Variants in TPST1 observed in about 807,000 individuals in gnomAD.
TPST1 encodes the protein tyrosylprotein sulfotransferase 1.
In TPST1, 20 loss-of-function variants were observed where a neutral mutation model predicts 34.8. The ratio of observed to expected loss-of-function variants is 0.57; its 90% confidence interval spans 0.40 to 0.84. The LOEUF (loss-of-function observed/expected upper bound fraction) is 0.84, where lower values mean the gene tolerates loss of function less well. Ranked by LOEUF, TPST1 falls within the 40% of genes least tolerant of loss-of-function variation. TPST1 has a pLI of 0.00. For synonymous variants in TPST1, 152 were observed against 159.4 expected (o/e 0.95, Z 0.35); for missense variants, 353 against 455.5 (o/e 0.78, Z 2.05).
Position 66,222,830 on chromosome 7 carries a change from A to T in TPST1, c.-102+17308A>T, listed in dbSNP as rs80138249. Among the ~76,000 whole-genome samples the T allele has an allele frequency of 1.2e-3, 177 of 152,308 alleles. No homozygotes were observed. The East Asian group carries it at 0.023, about 20-fold the overall frequency. ...CCCTGTTCTTTAAAAGCCCCTTCAC[A>T]TGTTTCCATGTGATTGCCCCAGCAG... On this transcript the variant is annotated intron_variant, in intron 1 of 5. Transcript: ENST00000304842.
chr7:66,339,118 G>A (rs1792182011), intron 3 of TPST1, among the ~76,000 whole-genome samples: 1 of 150,428 alleles, frequency 6.6e-6, no homozygotes, highest in East Asian at 2.0e-4. Flanking sequence ...GGGGTGGTGG[G>A]TGGGGGGAGA....
At position 66,332,416 on chromosome 7, in the gene TPST1, C is replaced by T. The variant is rs1246635379; in HGVS notation, c.1045-20089C>T. Reference sequence around the variant, plus strand: ...CCGAGTAGCTGGGATTACAGGTGCCCGCCACCAAGCCCAGCTAATTTTTTG... The same window carrying T: ...CCGAGTAGCTGGGATTACAGGTGCCTGCCACCAAGCCCAGCTAATTTTTTG... On this transcript the variant is annotated intron_variant, in intron 3 of 5. Coordinates refer to ENST00000304842, the MANE Select transcript of TPST1 (RefSeq NM_003596.4). The surrounding 1 kb of genome is among the most constrained non-coding windows in gnomAD (Gnocchi z 4.5). Among the ~76,000 whole-genome samples, 18 of 152,068 alleles carry T rather than the reference C, an allele frequency of 1.2e-4. No individual in the cohort carries two copies. The highest frequency in any genetic ancestry group is 9.2e-4 in the Admixed American group (14 of 15,254).
intron 1 of TPST1, among the ~76,000 whole-genome samples, chr7:66,210,812 A>G (rs1789226695): frequency 1.3e-5 from 2 of 152,088 alleles, no homozygotes; most frequent in African/African-American, 4.8e-5. Flanking sequence ...AAAATAGGAA[A>G]AAACTAGCCA....
At chr7:66,348,214 A>G (rs545045562) in intron 3 of TPST1, among the ~76,000 whole-genome samples, 2 of 152,298 alleles carry the variant, frequency 1.3e-5, no homozygotes, top group Non-Finnish European at 2.9e-5. Flanking sequence ...CCTTGGTCCA[A>G]GCCATCATTA....
intron 3 of TPST1, among the ~76,000 whole-genome samples, chr7:66,337,299 A>AT (rs749288846): frequency 0.26 from 28,248 of 107,632 alleles, 4,882 homozygotes; most frequent in East Asian, 0.42. Context: ...TAAAAGACAA[A>AT]TTTTTTTTTT....
At chr7:66,324,800 C>CAAAAAAAAA (rs56389964) in intron 3 of TPST1, among the ~76,000 whole-genome samples, 18 of 109,268 alleles carry the variant, frequency 1.6e-4, no homozygotes, top group Middle Eastern at 5.9e-3. Flanking sequence ...GACTCTGTCT[C>CAAAAAAAAA]AAAAAAAAAA....
At chr7:66,296,697 T>TTG (rs1791207974) in intron 3 of TPST1, among the ~76,000 whole-genome samples, 1 of 149,650 alleles carries the variant, frequency 6.7e-6, no homozygotes, top group Non-Finnish European at 1.5e-5. Flanking sequence ...TTTTTTTTTT[T>TTG]GGTACAATTC....
chr7:66,203,823 C>T (rs190579013), upstream of TPST1, among the ~76,000 whole-genome samples: 452 of 152,186 alleles, frequency 3.0e-3, 3 homozygotes, highest in South Asian at 7.3e-3. Context: ...ATAGCAGCAT[C>T]ATGTATAATA....
At chr7:66,327,581 G>T (rs1305684166) in intron 3 of TPST1, among the ~76,000 whole-genome samples, 1 of 152,024 alleles carries the variant, frequency 6.6e-6, no homozygotes, top group Non-Finnish European at 1.5e-5. Context: ...AAATTAGCTA[G>T]GTGTGGTGGC....
At chr7:66,232,654 G>A (rs1459856808) in intron 1 of TPST1, among the ~76,000 whole-genome samples, 2 of 152,132 alleles carry the variant, frequency 1.3e-5, no homozygotes, top group African/African-American at 2.4e-5. Flanking sequence ...ACCGCGCCCG[G>A]CCCATGCCTG....
chr7:66,236,801 G>A (rs1198812551), intron 1 of TPST1, among the ~76,000 whole-genome samples: 2 of 152,116 alleles, frequency 1.3e-5, no homozygotes, highest in East Asian at 1.9e-4. Flanking sequence ...AAAAACAAGT[G>A]TGCACACACT....
intron 3 of TPST1, among the ~76,000 whole-genome samples, chr7:66,346,406 T>C (rs924614357): frequency 2.0e-5 from 3 of 152,196 alleles, no homozygotes; most frequent in Non-Finnish European, 4.4e-5. Flanking sequence ...ACCTCCATAC[T>C]GTTCTCCATG....
At chr7:66,294,885 A>G (rs1791161231) in intron 3 of TPST1, among the ~76,000 whole-genome samples, 1 of 152,096 alleles carries the variant, frequency 6.6e-6, no homozygotes, top group Non-Finnish European at 1.5e-5. Context: ...GCATTTTCCC[A>G]TTGTGTGCAT....
intron 3 of TPST1, among the ~76,000 whole-genome samples, chr7:66,319,370 A>C (rs578117656): frequency 6.6e-6 from 1 of 152,260 alleles, no homozygotes; most frequent in African/African-American, 2.4e-5. Flanking sequence ...ATTTTAATTA[A>C]AAATATATAT....
chr7:66,234,442 C>G (rs1052755689), intron 1 of TPST1, among the ~76,000 whole-genome samples: 14 of 144,538 alleles, frequency 9.7e-5, no homozygotes, highest in Admixed American at 9.5e-4. Context: ...GACACACACA[C>G]ACACACGGAA....
intron 5 of TPST1, among the ~76,000 whole-genome samples, chr7:66,357,224 TAAGG>T (rs1240334072): frequency 6.6e-6 from 1 of 152,124 alleles, no homozygotes; most frequent in Non-Finnish European, 1.5e-5. Flanking sequence ...TGTTTACTGA[TAAGG>T]AAGCTGGTCC....
intron 2 of TPST1, among the ~76,000 whole-genome samples, chr7:66,264,540 G>A (rs1284964734): frequency 6.6e-6 from 1 of 152,204 alleles, no homozygotes; most frequent in African/African-American, 2.4e-5. Context: ...AAGGCAGTCT[G>A]TTCAGTTGTT....
At chr7:66,255,019 C>T (rs1471512632) in intron 2 of TPST1, among the ~76,000 whole-genome samples, 3 of 151,614 alleles carry the variant, frequency 2.0e-5, no homozygotes, top group African/African-American at 4.8e-5. Context: ...TGGTGGCGGG[C>T]GCCTGTAGTC....
At chr7:66,293,205 CAA>C (rs889634763) in intron 3 of TPST1, among the ~76,000 whole-genome samples, 3 of 132,110 alleles carry the variant, frequency 2.3e-5, no homozygotes. Flanking sequence ...GACTCCATCT[CAA>C]AAAAAAAAAA....
Sources: allele counts gnomAD v4.1 joint callset (sites outside exome capture counted in the v4.1 genomes callset), GRCh38; gene constraint gnomAD v4.1.1; non-coding constraint Gnocchi (gnomAD v3.1); transcripts MANE v1.5; gene names NCBI Gene and HGNC (gene_info 2026-07-23, HGNC 2026-07-21).